CFAP47: variants seen among roughly 807,000 people sequenced by gnomAD.
CFAP47 encodes the protein cilia- and flagella-associated protein 47.
CFAP47 carries 29 observed loss-of-function variants against 148.1 expected under a neutral mutation model. That is an observed-to-expected ratio of 0.20 (90% CI 0.15 to 0.27). The LOEUF is 0.27. Ranked by LOEUF, CFAP47 falls within the 10% of genes least tolerant of loss-of-function variation. CFAP47 has a pLI of 1.00. For synonymous variants in CFAP47, 664 were observed against 577.3 expected (o/e 1.15, Z -2.15); for missense variants, 1,872 against 1,697.5 (o/e 1.10, Z -1.81).
In CFAP47 at chrX:35,993,234, G is replaced by A. The variant is rs368314040; in HGVS notation, c.3012G>A (p.Ser1004=). 7.8e-5 allele frequency: 23 copies of A among 293,698 alleles called. No homozygotes were observed. In the South Asian group the frequency reaches 8.3e-4, roughly 11 times the overall value. The allele number at this position is 293,698 out of a possible 1,213,427, so 24.2% of individuals were successfully genotyped here. A position where few individuals can be genotyped will look rare whatever the true frequency, so the allele number is the denominator to read the frequency against. Residue 1004 remains serine, a synonymous_variant, in exon 18 of 64, where the codon TCG becomes TCA. Transcript: ENST00000378653. ...TGCCTATCATTAATATTATTCCATC[G>A]CAAGGAATAGTTCCATTTGGGGGAA... is the stretch of plus-strand genomic sequence containing the variant. The part of the protein sequence containing the change: ...SLLPIINIIP[S]QGIVPFGGIT...
At chrX:36,348,593 T>C (rs1412079257) in intron 58 of CFAP47, among the ~76,000 whole-genome samples, 1 of 110,983 alleles carries the variant, frequency 9.0e-6, no homozygotes, top group African/African-American at 3.3e-5. Context: ...GCAAAGGGAC[T>C]CCTTTCTGAC....
At chrX:36,303,316 A>G (rs1237218729) in intron 53 of CFAP47, among the ~76,000 whole-genome samples, 1 of 111,328 alleles carries the variant, frequency 9.0e-6, no homozygotes, top group Admixed American at 9.6e-5. Flanking sequence ...CCTCCCAAGT[A>G]TGTAGGACTA....
chrX:36,180,792 T>C (rs1310259243), intron 40 of CFAP47, among the ~76,000 whole-genome samples: 1 of 112,054 alleles, frequency 8.9e-6, no homozygotes, highest in Non-Finnish European at 1.9e-5. Flanking sequence ...TACCTAGGGC[T>C]TTTGAAGTCT....
intron 3 of CFAP47, among the ~76,000 whole-genome samples, chrX:35,941,821 G>A (rs1215024700): frequency 9.0e-6 from 1 of 111,337 alleles, no homozygotes; most frequent in Non-Finnish European, 1.9e-5. Flanking sequence ...TTTAAACTGT[G>A]GTATGTTACT....
chrX:36,031,476 A>G (rs868450258), intron 23 of CFAP47, 129 bp downstream of exon 23: 16 of 253,299 alleles, frequency 6.3e-5, no homozygotes, highest in African/African-American at 4.0e-4. Context: ...CCAATTGTTT[A>G]TGCTCTTCGG....
chrX:36,099,074 A>G (rs1443782476), intron 31 of CFAP47, among the ~76,000 whole-genome samples, 200 bp downstream of exon 31: 1 of 111,839 alleles, frequency 8.9e-6, no homozygotes, highest in African/African-American at 3.2e-5. Flanking sequence ...AAAAATGATT[A>G]CATGGCTTTC....
chrX:35,947,939 C>T (rs911489588), intron 3 of CFAP47, among the ~76,000 whole-genome samples: 1 of 111,404 alleles, frequency 9.0e-6, no homozygotes, highest in Non-Finnish European at 1.9e-5. Context: ...TGTTGGGTGA[C>T]CTCAGATATT....
At chrX:36,372,365 A>G (rs981221151) in intron 62 of CFAP47, among the ~76,000 whole-genome samples, 3 of 111,776 alleles carry the variant, frequency 2.7e-5, no homozygotes, top group African/African-American at 9.7e-5. Flanking sequence ...CTGACGTAGT[A>G]TAGTAATTCT....
At chrX:36,144,921 A>G in intron 35 of CFAP47, 1 of 870,724 alleles carries the variant, frequency 1.1e-6, no homozygotes, top group Non-Finnish European at 1.5e-6. Flanking sequence ...GGTTTGGGGG[A>G]TTTGGGACTT....
At chrX:36,268,052 T>C (rs1437899313) in intron 49 of CFAP47, among the ~76,000 whole-genome samples, 4 of 112,941 alleles carry the variant, frequency 3.5e-5, no homozygotes, top group Non-Finnish European at 7.5e-5. Flanking sequence ...TGTACTCACA[T>C]GATTGTCTAG....
intron 22 of CFAP47, among the ~76,000 whole-genome samples, chrX:36,022,862 TTTTC>T (rs767043294): frequency 8.9e-6 from 1 of 111,782 alleles, no homozygotes; most frequent in South Asian, 3.7e-4. Context: ...TGTGAATTCC[TTTTC>T]TTTATTATCT....
intron 22 of CFAP47, among the ~76,000 whole-genome samples, chrX:36,020,570 C>T (rs1170810201): frequency 2.7e-5 from 3 of 111,839 alleles, no homozygotes; most frequent in Non-Finnish European, 5.6e-5. Context: ...TGAATTGACT[C>T]CTTTATCATT....
intron 39 of CFAP47, 85 bp downstream of exon 39, chrX:36,160,854 T>C (rs1024545425): frequency 1.9e-3 from 397 of 212,347 alleles, no homozygotes; most frequent in Non-Finnish European, 2.6e-3. Flanking sequence ...TTCTTTCTTT[T>C]TTTTTTTTTT....
At chrX:36,038,883 A>C in intron 24 of CFAP47, 101 bp from the exon 25 acceptor site, 1 of 405,998 alleles carries the variant, frequency 2.5e-6, no homozygotes, top group East Asian at 4.4e-5. Context: ...ATTAAGTTGT[A>C]ACATCATCGT....
intron 15 of CFAP47, among the ~76,000 whole-genome samples, chrX:35,977,043 G>A (rs745317794): frequency 8.9e-6 from 1 of 111,885 alleles, no homozygotes; most frequent in Admixed American, 9.5e-5. Flanking sequence ...GATGGCACAA[G>A]CTATCATTTA....
chrX:35,987,503 G>A (rs1199548277), intron 15 of CFAP47, among the ~76,000 whole-genome samples: 1 of 111,757 alleles, frequency 8.9e-6, no homozygotes, highest in Non-Finnish European at 1.9e-5. Context: ...CTGCTGTGCT[G>A]GCAGTGAGAA....
At chrX:36,109,763 C>T (rs779256827) in intron 33 of CFAP47, among the ~76,000 whole-genome samples, 221 of 111,818 alleles carry the variant, frequency 2.0e-3, no homozygotes, top group Non-Finnish European at 3.5e-3. Flanking sequence ...CCTGAGCCAC[C>T]GCGCCCAGCC....
chrX:36,018,463 A>G (rs1053913836), intron 22 of CFAP47, among the ~76,000 whole-genome samples: 7 of 111,766 alleles, frequency 6.3e-5, no homozygotes, highest in African/African-American at 2.3e-4. Context: ...TTTCAGTTTG[A>G]TACTATCTGT....
chrX:36,251,666 T>C (rs1555998275), intron 49 of CFAP47, among the ~76,000 whole-genome samples: 1 of 111,594 alleles, frequency 9.0e-6, no homozygotes, highest in African/African-American at 3.2e-5. Flanking sequence ...TTCAAATTTA[T>C]TTGTGGAACA....
Sources: gnomAD v4.1 joint callset for allele counts (sites outside exome capture counted in the v4.1 genomes callset) on GRCh38, gnomAD v4.1.1 for gene constraint, MANE v1.5 for transcripts, NCBI Gene and HGNC (gene_info 2026-07-23, HGNC 2026-07-21) for gene names.